CPSF4: variants seen among roughly 807,000 people sequenced by gnomAD.
The protein encoded by CPSF4 is cleavage and polyadenylation specific factor 4.
In CPSF4, 11 loss-of-function variants were observed where a neutral mutation model predicts 37.7. The ratio of observed to expected loss-of-function variants is 0.29; its 90% CI spans 0.18 to 0.48. The LOEUF (loss-of-function observed/expected upper bound fraction) is 0.48. Among genes scored for constraint, CPSF4 ranks in the 20% least tolerant of loss-of-function variants. CPSF4 has a pLI of 0.99. For synonymous variants in CPSF4, 132 were observed against 135.9 expected, an observed-to-expected ratio of 0.97 and a Z score of 0.20; for missense variants, 144 against 359.5, an observed-to-expected ratio of 0.40 and a Z score of 4.85.
At chr7:99,440,250 G>A (rs780901259) in intron 1 of CPSF4, among the ~76,000 whole-genome samples, 12 of 152,028 alleles carry the variant, frequency 7.9e-5, no homozygotes, top group African/African-American at 2.9e-4. Flanking sequence ...AACTACCAGC[G>A]GGGTCTCCCA....
In CPSF4 at chr7:99,456,521, G is replaced by C. The variant is rs184612530; in HGVS notation, c.*21G>C. On this transcript the variant is annotated 3_prime_UTR_variant, in exon 8 of 8. Transcript: ENST00000292476. ...AGTGACAGCAGCTGGAGCCAGCTCC[G>C]AGCAGCCCGGGGGCCCCGCTGTTGG... is the stretch of plus-strand genomic sequence containing the variant. The C allele has an allele frequency of 6.2e-7, 1 of 1,611,684 alleles. No individual in the cohort carries two copies. Among genetic ancestry groups the C allele is most frequent in the Non-Finnish European group, 8.5e-7 (1 of 1,178,076 alleles).
chr7:99,444,286 G>A lies in CPSF4; in HGVS notation c.104-503G>A, dbSNP rs539562563. Among the ~76,000 whole-genome samples, 134 of 152,100 alleles carry A rather than the reference G, an allele frequency of 8.8e-4. No homozygotes were observed. In the Middle Eastern group the frequency reaches 0.02, roughly 23 times the overall value. ...AGCCTGGCCAACATGGTGAAACCCC[G>A]TCTCTACTAAAAATACAAAAATTAG... is the stretch of plus-strand genomic sequence containing the variant. On this transcript the variant is annotated intron_variant, in intron 1 of 7. Coordinates refer to ENST00000292476, the MANE Select transcript of CPSF4 (RefSeq NM_006693.4).
At position 99,448,074 on chromosome 7, in the gene CPSF4, C is replaced by T. The variant is rs768129582; in HGVS notation, c.155-47C>T. 1 of 1,600,108 alleles carries T rather than the reference C, an allele frequency of 6.2e-7. No individual in the cohort carries two copies. Among genetic ancestry groups the T allele is most frequent in the South Asian group, 1.1e-5 (1 of 89,650 alleles). ...GCTTCTTCAGGCCGTGTCCCCCAGG[C>T]TCAGGGTGGCCTCTCTGCTGACACC... On this transcript the variant is annotated intron_variant, in intron 2 of 7. Coordinates refer to ENST00000292476, the MANE Select transcript of CPSF4 (RefSeq NM_006693.4). The surrounding 1 kb of genome is among the most constrained non-coding windows in gnomAD (Gnocchi z 4.4).
At chr7:99,450,862 T>C (rs1040275538) in intron 5 of CPSF4, 67 bp downstream of exon 5, 1 of 1,200,170 alleles carries the variant, frequency 8.3e-7, no homozygotes, top group African/African-American at 1.5e-5. Context: ...CTCCGTATCT[T>C]CCCTGGGCCA....
intron 1 of CPSF4, 82 bp downstream of exon 1, chr7:99,439,267 TC>T: frequency 9.2e-7 from 1 of 1,082,344 alleles, no homozygotes; most frequent in African/African-American, 1.6e-5. Flanking sequence ...CTCCCTCGCC[TC>T]GGTCCTGAGA....
chr7:99,454,042 A>G lies in CPSF4; in HGVS notation c.647A>G (p.Gln216Arg), dbSNP rs540872785. 6.2e-7 allele frequency: 1 copy of G among 1,614,248 alleles called. No individual in the cohort carries two copies. The highest frequency in any genetic ancestry group is 1.1e-5 in the South Asian group (1 of 91,084). The change falls in exon 7 of 8, where the codon CAG becomes CGG. Residue 216 changes from glutamine (Q) to arginine (R), a missense_variant. Gln to Arg is a conservative substitution (Grantham distance 43). This residue lies in a region of CPSF4 where 86 missense variants were observed against 141.5 expected (regional missense o/e 0.61). Coordinates refer to ENST00000292476, the MANE Select transcript of CPSF4 (RefSeq NM_006693.4). ...LTSQNSSPNQ[Q>R]RTPQVIGVMQ... ...AGTCAGAACTCTTCTCCCAATCAGC[A>G]GAGAACCCCGCAGGTCATCGGGGTC... is the stretch of plus-strand genomic sequence containing the variant.
At chr7:99,454,781 T>C (rs1798189426) in intron 7 of CPSF4, among the ~76,000 whole-genome samples, 1 of 152,190 alleles carries the variant, frequency 6.6e-6, no homozygotes, top group Non-Finnish European at 1.5e-5. Flanking sequence ...CCAGGATTGG[T>C]GTGTCCCTGG....
chr7:99,442,032 G>A (rs1797034079), intron 1 of CPSF4, among the ~76,000 whole-genome samples: 1 of 152,174 alleles, frequency 6.6e-6, no homozygotes, highest in Admixed American at 6.6e-5. Flanking sequence ...TGACCTCCCT[G>A]TGACAGCCAT....
At chr7:99,443,205 A>G in intron 1 of CPSF4, 1 of 780,542 alleles carries the variant, frequency 1.3e-6, no homozygotes, top group Non-Finnish European at 2.4e-6. Context: ...CCTCTTCTGC[A>G]TTCTCTCAGC....
Position 99,448,850 on chromosome 7 carries a change from G to T in CPSF4, c.307+577G>T, listed in dbSNP as rs150201768. ...GGTGACATCTCAGCCATCCTAAATA[G>T]CCCTTCAAAATAACAGCCTCAGATG... is the stretch of plus-strand genomic sequence containing the variant. On this transcript the variant is annotated intron_variant, in intron 3 of 7. Coordinates refer to ENST00000292476, the MANE Select transcript of CPSF4 (RefSeq NM_006693.4). This position sits in a 1 kb window ranked among gnomAD's most constrained non-coding sequence, Gnocchi z 4.4. 1,946 of 152,680 alleles carry T rather than the reference G, an allele frequency of 0.013. 36 individuals are homozygous for T. Among genetic ancestry groups the T allele is most frequent in the African/African-American group, 0.044 (1,845 of 41,556 alleles). The allele number at this position is 152,680 out of a possible 1,614,324, so 9.5% of individuals were successfully genotyped here.
At position 99,450,736 on chromosome 7, in the gene CPSF4, C is replaced by T. The variant is rs752654171; in HGVS notation, c.438C>T (p.Val146=). The T allele has an allele frequency of 2.5e-6, 4 of 1,614,046 alleles. No individual in the cohort carries two copies. In the East Asian group the frequency reaches 6.7e-5, roughly 27 times the overall value. The change falls in exon 5 of 8, where the codon GTC becomes GTT. Residue 146 remains valine, a synonymous_variant. Coordinates refer to ENST00000292476, the MANE Select transcript of CPSF4 (RefSeq NM_006693.4). ...PLCRHRHTRR[V]ICVNYLVGFC... ...GCAGGCACCGGCACACACGGAGAGTCATCTGTGTGAATTACCTCGTGGGAT... is the reference window on the plus strand; with the variant it reads ...GCAGGCACCGGCACACACGGAGAGTTATCTGTGTGAATTACCTCGTGGGAT...
At chr7:99,455,354 C>T (rs1798236387) in intron 7 of CPSF4, among the ~76,000 whole-genome samples, 2 of 152,152 alleles carry the variant, frequency 1.3e-5, no homozygotes, top group African/African-American at 4.8e-5. Flanking sequence ...AGCCCTACAG[C>T]CCATCGGCAG....
intron 7 of CPSF4, among the ~76,000 whole-genome samples, chr7:99,454,921 G>A (rs1584518050): frequency 6.6e-6 from 1 of 152,132 alleles, no homozygotes; most frequent in East Asian, 1.9e-4. Flanking sequence ...TGGGTGTGGT[G>A]GTGCACGCCT....
Position 99,456,800 on chromosome 7 carries a change from G to A in CPSF4, c.*300G>A, listed in dbSNP as rs1399371227. 1.2e-5 allele frequency: 6 copies of A among 482,262 alleles called. No individual in the cohort carries two copies. The highest frequency in any genetic ancestry group is 7.8e-5 in the African/African-American group (4 of 51,084). The allele number at this position is 482,262 out of a possible 1,614,324, so 29.9% of individuals were successfully genotyped here. A position where few individuals can be genotyped will look rare whatever the true frequency, so the allele number is the denominator to read the frequency against. ...ATCCAGGGAGGGAGGCAGCTGCTGG[G>A]GAGGGGCTTGGCTAGGTAGTTCTGT... On this transcript the variant is annotated 3_prime_UTR_variant, in exon 8 of 8. Coordinates refer to ENST00000292476, the MANE Select transcript of CPSF4 (RefSeq NM_006693.4).
rs780938148 is a variant in CPSF4 at position 99,454,052 on chromosome 7, G to A, written c.657G>A (p.Pro219=). ...QNSSPNQQRT[P]QVIGVMQSQN... ...CTTCTCCCAATCAGCAGAGAACCCC[G>A]CAGGTCATCGGGGTCATGCAGAGTC... is the stretch of plus-strand genomic sequence containing the variant. The change falls in exon 7 of 8, where the codon CCG becomes CCA. Residue 219 remains proline (P), a synonymous_variant. Coordinates refer to ENST00000292476, the MANE Select transcript of CPSF4 (RefSeq NM_006693.4). 26 of 1,614,096 alleles carry A rather than the reference G, an allele frequency of 1.6e-5. 1 individual carries two copies. The Middle Eastern group carries it at 4.9e-4, about 31-fold the overall frequency.
At chr7:99,451,809 C>T (rs1797950885) in intron 5 of CPSF4, among the ~76,000 whole-genome samples, 1 of 152,202 alleles carries the variant, frequency 6.6e-6, no homozygotes, top group Non-Finnish European at 1.5e-5. Context: ...TCCCGGCTGC[C>T]TCGCCCACAC....
intron 2 of CPSF4, among the ~76,000 whole-genome samples, chr7:99,445,284 C>T (rs45570641): frequency 8.5e-5 from 13 of 152,216 alleles, no homozygotes; most frequent in African/African-American, 3.1e-4. Context: ...TCTCGATAAC[C>T]AGCCCTCAAC....
At chr7:99,442,823 A>T (rs1797136333) in intron 1 of CPSF4, 2 of 887,728 alleles carry the variant, frequency 2.3e-6, no homozygotes, top group Non-Finnish European at 3.8e-6. Flanking sequence ...TATATATGTG[A>T]CCAAGAAGAA....
At chr7:99,440,675 T>TATATATATATATATG (rs1491236759) in intron 1 of CPSF4, among the ~76,000 whole-genome samples, 2 of 74,838 alleles carry the variant, frequency 2.7e-5, no homozygotes, top group Non-Finnish European at 4.4e-5. Context: ...TATATATATA[T>TATATATATATATATG]TTTTTTTTTT....
Sources: allele counts gnomAD v4.1 joint callset (sites outside exome capture counted in the v4.1 genomes callset), GRCh38; gene constraint gnomAD v4.1.1; regional missense constraint gnomAD v4.1.1; non-coding constraint Gnocchi (gnomAD v3.1); transcripts MANE v1.5; gene names NCBI Gene and HGNC (gene_info 2026-07-23, HGNC 2026-07-21).